Variants in COL16A1 observed in about 807,000 individuals in gnomAD.
The protein encoded by COL16A1 is collagen alpha-1(XVI) chain.
A neutral mutation model predicts 266.3 loss-of-function variants in COL16A1; 189 were observed. The ratio of observed to expected loss-of-function variants is 0.71; its 90% CI spans 0.63 to 0.80. COL16A1 has a LOEUF of 0.80. Ranked by LOEUF, COL16A1 falls within the 30% of genes least tolerant of loss-of-function variation. The pLI, the probability that COL16A1 is intolerant of heterozygous loss-of-function variation, is 0.00. For synonymous variants in COL16A1, 740 were observed against 782.3 expected, an observed-to-expected ratio of 0.95 and a Z score of 0.90; for missense variants, 1,928 against 2,122.4, an observed-to-expected ratio of 0.91 and a Z score of 1.80.
At chr1:31,694,074 G>T in intron 12 of COL16A1, 70 bp downstream of exon 12, 2 of 1,434,040 alleles carry the variant, frequency 1.4e-6, no homozygotes, top group Non-Finnish European at 1.9e-6. Context: ...CAGCCACAGG[G>T]TCACATGCTG....
chr1:31,698,606 T>C lies in COL16A1; in HGVS notation c.267A>G (p.Arg89=), dbSNP rs777258169. 1.2e-6 allele frequency: 2 copies of C among 1,613,580 alleles called. No individual in the cohort carries two copies. The highest frequency in any genetic ancestry group is 1.7e-6 in the Non-Finnish European group (2 of 1,179,880). Residue 89 remains arginine (R), a splice_region_variant and synonymous_variant, in exon 5 of 71, where the codon CGA becomes CGG. Transcript: ENST00000373672. This position sits in a 1 kb window ranked among gnomAD's most constrained non-coding sequence, Gnocchi z 4.1. ...LGAAPVTQPT[R]RVFPRGLPEE... ...CCGGGAGACCCCGAGGGAATACTCT[T>C]CTGGAGATGGAGCAGGGAGGGTGCC... is the stretch of plus-strand genomic sequence containing the variant.
rs1570553392 is a variant in COL16A1 at position 31,690,405 on chromosome 1, G to A, written c.1483-12C>T. ...ACACCTGGCTTCCCCTGTTAGAAAA[G>A]AGGCAATGGGCATCAGTGCCAGGGC... On this transcript the variant is annotated splice_polypyrimidine_tract_variant and intron_variant, in intron 21 of 70. Coordinates refer to ENST00000373672, the MANE Select transcript of COL16A1 (RefSeq NM_001856.4). 1 of 1,614,174 alleles carries A rather than the reference G, an allele frequency of 6.2e-7. No homozygotes were observed. Among genetic ancestry groups the A allele is most frequent in the East Asian group, 2.2e-5 (1 of 44,876 alleles).
Position 31,698,505 on chromosome 1 carries a change from G to A in COL16A1, c.368C>T (p.Thr123Ile), listed in dbSNP as rs1228135194. ...HQKTWYLFQV[T>I]DANGYPQISL... is the part of the protein sequence containing the mutation. ...CACCTGTGGATACCCATTTGCATCG[G>A]TCACTTGAAACAGATACCACGTCTT... The change falls in exon 5 of 71, where the codon ACC becomes ATC. Residue 123 changes from threonine to isoleucine, a missense_variant. Transcript: ENST00000373672. This position sits in a 1 kb window ranked among gnomAD's most constrained non-coding sequence, Gnocchi z 4.1. The A allele has an allele frequency of 1.2e-5, 19 of 1,614,154 alleles. No individual in the cohort carries two copies. In the East Asian group the frequency reaches 4.0e-4, roughly 34 times the overall value.
At chr1:31,660,502 G>A (rs770205120) in intron 62 of COL16A1, 83 bp downstream of exon 62, 1 of 1,572,144 alleles carries the variant, frequency 6.4e-7, no homozygotes, top group Non-Finnish European at 8.7e-7. Context: ...AGTTCTCTCA[G>A]GTCATGACAG....
intron 66 of COL16A1, chr1:31,655,721 T>G: frequency 1.3e-6 from 1 of 745,186 alleles, no homozygotes; most frequent in Non-Finnish European, 2.1e-6. Flanking sequence ...GGCTCCCAAA[T>G]GTCCTCAGGA....
chr1:31,670,848 G>GT lies in COL16A1; in HGVS notation c.3151-203dup, dbSNP rs1372914542. Among the ~76,000 whole-genome samples the GT allele has an allele frequency of 1.3e-5, 2 of 152,232 alleles. No individual in the cohort carries two copies. Among genetic ancestry groups the GT allele is most frequent in the Non-Finnish European group, 2.9e-5 (2 of 68,034 alleles). ...TGGCTCCAGGAAGAATGGCTCCTCC[G>GT]TTGACGGAGATGCGGAATGGCTCCA... On this transcript the variant is annotated intron_variant, in intron 48 of 70. Transcript: ENST00000373672. This position sits in a 1 kb window ranked among gnomAD's most constrained non-coding sequence, Gnocchi z 4.5.
Position 31,664,829 on chromosome 1 carries a change from G to C in COL16A1, c.3555+343C>G, listed in dbSNP as rs1340508600. On this transcript the variant is annotated intron_variant, in intron 56 of 70. Coordinates refer to ENST00000373672, the MANE Select transcript of COL16A1 (RefSeq NM_001856.4). The surrounding 1 kb of genome is among the most constrained non-coding windows in gnomAD (Gnocchi z 5.5). ...TCATCCTCCCGCCCAGGAGACGAAG[G>C]TGGCCTGGGCTGCCTATCACATTCT... is the stretch of plus-strand genomic sequence containing the variant. Among the ~76,000 whole-genome samples, 1 of 152,022 alleles carries C rather than the reference G, an allele frequency of 6.6e-6. No individual in the cohort carries two copies. The highest frequency in any genetic ancestry group is 1.5e-5 in the Non-Finnish European group (1 of 67,982).
At chr1:31,659,557 G>A (rs1641460715) in intron 62 of COL16A1, 1 of 156,100 alleles carries the variant, frequency 6.4e-6, no homozygotes, top group African/African-American at 2.4e-5. Context: ...CCATGCCTCT[G>A]TGGTGCAAAA....
At position 31,661,085 on chromosome 1, in the gene COL16A1, G is replaced by A; in HGVS notation, c.3806C>T (p.Thr1269Ile). 1 of 1,566,042 alleles carries A rather than the reference G, an allele frequency of 6.4e-7. No individual in the cohort carries two copies. ...DCGKPGPPGS[T>I]GRPGAEGEPG... Reference sequence around the variant, plus strand: ...CCTCACCTCTGCGCCAGGCCGGCCAGTGCTGCCAGGGGGACCTGGTTTGCC... The same window carrying A: ...CCTCACCTCTGCGCCAGGCCGGCCAATGCTGCCAGGGGGACCTGGTTTGCC... The change falls in exon 61 of 71, where the codon ACT becomes ATT. Residue 1269 changes from threonine to isoleucine, a missense_variant. Physicochemically the swap from Thr to Ile is moderately conservative, Grantham distance 89. Coordinates refer to ENST00000373672, the MANE Select transcript of COL16A1 (RefSeq NM_001856.4).
rs2148668406 is a variant in COL16A1, at chr1:31,661,699, G to A, written c.3687C>T (p.Asp1229=). 1 of 1,599,872 alleles carries A rather than the reference G, an allele frequency of 6.3e-7. No individual in the cohort carries two copies. Among genetic ancestry groups the A allele is most frequent in the Non-Finnish European group, 8.5e-7 (1 of 1,176,282 alleles). ...GKDGKPGLRG[D]PGPAGPPGLM... ...GTCCAGGGGGGCCAGCAGGACCAGG[G>A]TCCCCCTAGGGAAAGAGACGAGGAG... Residue 1229 remains aspartate, a synonymous_variant, in exon 59 of 71, where the codon GAC becomes GAT. Transcript: ENST00000373672.
In COL16A1 at chr1:31,657,017, A is replaced by G; in HGVS notation, c.4056+16T>C. ...AAGCACCCCCAAGGAAACAGAGAAG[A>G]CCAGTACAACTGTACCTCTTTGCCA... On this transcript the variant is annotated intron_variant, in intron 65 of 70. Coordinates refer to ENST00000373672, the MANE Select transcript of COL16A1 (RefSeq NM_001856.4). This position sits in a 1 kb window ranked among gnomAD's most constrained non-coding sequence, Gnocchi z 6.4. The G allele has an allele frequency of 1.2e-6, 2 of 1,614,124 alleles. No homozygotes were observed. Among genetic ancestry groups the G allele is most frequent in the Non-Finnish European group, 1.7e-6 (2 of 1,180,002 alleles).
Position 31,668,948 on chromosome 1 carries a change from C to T in COL16A1, c.3196-93G>A. 8.7e-7 allele frequency: 1 copy of T among 1,155,834 alleles called. No homozygotes were observed. The highest frequency in any genetic ancestry group is 1.2e-6 in the Non-Finnish European group (1 of 804,252). 71.6% of individuals were successfully genotyped at this position (1,155,834 alleles called of 1,614,324 possible). A position where few individuals can be genotyped will look rare whatever the true frequency, so the allele number is the denominator to read the frequency against. ...CCTGCCCCACTGCCTTCTGTTCCCA[C>T]TCCAGGCAAATATGGAGGCCATAGT... On this transcript the variant is annotated intron_variant, in intron 49 of 70. Transcript: ENST00000373672. This position sits in a 1 kb window ranked among gnomAD's most constrained non-coding sequence, Gnocchi z 5.8.
Position 31,686,107 on chromosome 1 carries a change from C to T in COL16A1, c.1868G>A (p.Gly623Asp), listed in dbSNP as rs757724027. ...CAGACTCACCTTCGCCCCTTTGATG[C>T]CTGCTGGCCCCACTGGTCCTGGTGG... ...PGPPGPVGPA[G>D]IKGAKGEPCE... Residue 623 changes from glycine to aspartate, a missense_variant, in exon 28 of 71, where the codon GGC becomes GAC. This residue lies in a region of COL16A1 where 1,552 missense variants were observed against 1,637.2 expected (regional missense o/e 0.95). Coordinates refer to ENST00000373672, the MANE Select transcript of COL16A1 (RefSeq NM_001856.4). The T allele has an allele frequency of 1.9e-6, 3 of 1,614,112 alleles. No homozygotes were observed. The East Asian group carries it at 6.7e-5, about 36-fold the overall frequency.
At chr1:31,687,617 G>A (rs1644054352) in intron 26 of COL16A1, among the ~76,000 whole-genome samples, 1 of 151,694 alleles carries the variant, frequency 6.6e-6, no homozygotes, top group African/African-American at 2.4e-5. Flanking sequence ...AGGACTCGCT[G>A]GGGGGCTAGA....
rs1289096523 is a variant in COL16A1 at position 31,689,815 on chromosome 1, C to A, written c.1546G>T (p.Gly516Trp). The A allele has an allele frequency of 6.2e-7, 1 of 1,614,104 alleles. No individual in the cohort carries two copies. Among genetic ancestry groups the A allele is most frequent in the South Asian group, 1.1e-5 (1 of 91,072 alleles). ...GGAAGTCCAACAAAGTTCTGGAACC[C>A]TTCAGGCAGTGTTGGGCACACTTCA... ...PCEVCPTLPEGFQNFVGLPGK... is the reference protein window; with the variant it reads ...PCEVCPTLPEWFQNFVGLPGK... Residue 516 changes from glycine to tryptophan, a missense_variant, in exon 23 of 71, where the codon GGG becomes TGG. By Grantham distance (184) the Gly-to-Trp change is radical. Coordinates refer to ENST00000373672, the MANE Select transcript of COL16A1 (RefSeq NM_001856.4).
At chr1:31,673,398 G>A (rs988130747) in intron 44 of COL16A1, among the ~76,000 whole-genome samples, 3 of 152,214 alleles carry the variant, frequency 2.0e-5, no homozygotes, top group Non-Finnish European at 2.9e-5. Context: ...CTGAGAGTTT[G>A]ATGGAAGCTA....
chr1:31,683,064 G>C, intron 36 of COL16A1, 62 bp from the exon 37 acceptor site: 1 of 1,611,832 alleles, frequency 6.2e-7, no homozygotes, highest in Admixed American at 1.7e-5. Flanking sequence ...CAACCCAGCA[G>C]GTAAGACACA....
In COL16A1 at chr1:31,657,700, G is replaced by A. The variant is rs1641292113; in HGVS notation, c.4021-632C>T. Among the ~76,000 whole-genome samples the A allele has an allele frequency of 6.6e-6, 1 of 152,244 alleles. No homozygotes were observed. Among genetic ancestry groups the A allele is most frequent in the African/African-American group, 2.4e-5 (1 of 41,474 alleles). ...CAGAAAAAGTCTGCGTTGATGGAAA[G>A]CATCCTGATGGGTCCCAGGAGACCT... is the stretch of plus-strand genomic sequence containing the variant. On this transcript the variant is annotated intron_variant, in intron 64 of 70. Coordinates refer to ENST00000373672, the MANE Select transcript of COL16A1 (RefSeq NM_001856.4). This position sits in a 1 kb window ranked among gnomAD's most constrained non-coding sequence, Gnocchi z 6.4.
chr1:31,689,214 C>T, intron 23 of COL16A1, 129 bp from the exon 24 acceptor site: 2 of 1,447,910 alleles, frequency 1.4e-6, no homozygotes, highest in Non-Finnish European at 1.9e-6. Context: ...CCATGGGGTC[C>T]AAGGCCAGCA....
Sources: gnomAD v4.1 joint callset for allele counts (sites outside exome capture counted in the v4.1 genomes callset) on GRCh38, gnomAD v4.1.1 for gene constraint, gnomAD v4.1.1 regional missense constraint, Gnocchi (gnomAD v3.1) non-coding constraint, MANE v1.5 for transcripts, NCBI Gene and HGNC (gene_info 2026-07-23, HGNC 2026-07-21) for gene names.